Variants in PRKN observed in about 807,000 individuals in gnomAD.
PRKN encodes the protein E3 ubiquitin-protein ligase parkin.
In PRKN, 56 loss-of-function variants were observed where a neutral mutation model predicts 59.5. The observed-to-expected ratio is 0.94, with a 90% CI of 0.76 to 1.18. The LOEUF (loss-of-function observed/expected upper bound fraction) is 1.18, where lower values mean the gene tolerates loss of function less well. PRKN is among the 50% of genes most tolerant of loss of function. The probability of loss-of-function intolerance (pLI) is 0.00; values close to 1 mark genes in which losing one functional copy is unlikely to be tolerated. For missense variants in PRKN, 657 were observed against 596.4 expected (o/e 1.10, Z -1.06); for synonymous variants, 250 against 222.1 (o/e 1.13, Z -1.12).
chr6:162,437,428 C>G lies in PRKN; in HGVS notation c.171+5882G>C, dbSNP rs551820625. 2.6e-5 allele frequency among the ~76,000 whole-genome samples: 4 copies of G among 152,154 alleles called. No individual in the cohort carries two copies. In the East Asian group the frequency reaches 7.7e-4, roughly 29 times the overall value. ...TTGTAAGAGATAGCAGAGAAAGATG[C>G]CAGCTACCTTTTCCCCAGCTTCCGC... is the stretch of plus-strand genomic sequence containing the variant. On this transcript the variant is annotated intron_variant, in intron 2 of 11. Transcript: ENST00000366898.
rs1787708982 is a variant in PRKN, at chr6:161,413,883, AC to A, written c.1084-27007del. 6.6e-6 allele frequency among the ~76,000 whole-genome samples: 1 copy of A among 152,092 alleles called. No homozygotes were observed. Among genetic ancestry groups the A allele is most frequent in the Non-Finnish European group, 1.5e-5 (1 of 68,018 alleles). On this transcript the variant is annotated intron_variant, in intron 9 of 11. Coordinates refer to ENST00000366898, the MANE Select transcript of PRKN (RefSeq NM_004562.3). The surrounding 1 kb of genome is among the most constrained non-coding windows in gnomAD (Gnocchi z 4.4). The stretch of plus-strand genomic sequence containing the variant: ...CATGAAGTCAGGCAGGGTGAGCCTC[AC>A]CCAGCTGCTGTTCCTTTCTCTTTCC...
intron 1 of PRKN, among the ~76,000 whole-genome samples, chr6:162,453,631 G>A (rs978617212): frequency 1.3e-5 from 2 of 152,070 alleles, no homozygotes; most frequent in African/African-American, 2.4e-5. Flanking sequence ...GGCCAGACAC[G>A]GTGGCTCACA....
intron 7 of PRKN, among the ~76,000 whole-genome samples, chr6:161,605,011 C>T (rs1562554528): frequency 6.6e-6 from 1 of 152,100 alleles, no homozygotes; most frequent in Admixed American, 6.6e-5. Context: ...CTTAGATTAG[C>T]TTTTTTCTCT....
In PRKN at chr6:161,601,652, G is replaced by A. The variant is rs543992308; in HGVS notation, c.872-32236C>T. Among the ~76,000 whole-genome samples the A allele has an allele frequency of 2.1e-4, 31 of 149,992 alleles. No homozygotes were observed. In the East Asian group the frequency reaches 4.7e-3, roughly 23 times the overall value. On this transcript the variant is annotated intron_variant, in intron 7 of 11. Coordinates refer to ENST00000366898, the MANE Select transcript of PRKN (RefSeq NM_004562.3). ...GGCTGGAGTGCAGTGGCGCGATCTC[G>A]GCTCACTGCAAGCTCCGCCTCCCAG...
intron 5 of PRKN, among the ~76,000 whole-genome samples, chr6:161,990,469 G>A (rs1228655058): frequency 1.3e-5 from 2 of 152,228 alleles, no homozygotes; most frequent in African/African-American, 4.8e-5. Flanking sequence ...AAAGCTCAAT[G>A]AGATATGATA....
At chr6:161,843,259 C>T (rs561810992) in intron 6 of PRKN, among the ~76,000 whole-genome samples, 1 of 152,300 alleles carries the variant, frequency 6.6e-6, no homozygotes, top group East Asian at 1.9e-4. Flanking sequence ...TCATGAGTCT[C>T]CCAGATACCT....
chr6:162,600,290 T>C (rs1781652580), intron 1 of PRKN, among the ~76,000 whole-genome samples: 2 of 152,224 alleles, frequency 1.3e-5, no homozygotes, highest in African/African-American at 4.8e-5. Context: ...AACCATATTA[T>C]TGTACATATC....
chr6:162,368,176 A>G (rs7750708), intron 2 of PRKN, among the ~76,000 whole-genome samples: 76,270 of 152,010 alleles, frequency 0.5, 19,494 homozygotes, highest in African/African-American at 0.53. Flanking sequence ...TGGCTGGGGA[A>G]GGGTTGGGAG....
At chr6:161,880,842 C>T (rs895968179) in intron 6 of PRKN, among the ~76,000 whole-genome samples, 5 of 152,118 alleles carry the variant, frequency 3.3e-5, no homozygotes, top group Non-Finnish European at 5.9e-5. Context: ...AGCAGCGGCC[C>T]TTGTTCTGAA....
At chr6:162,246,589 G>T (rs1779207826) in intron 3 of PRKN, among the ~76,000 whole-genome samples, 1 of 152,094 alleles carries the variant, frequency 6.6e-6, no homozygotes, top group Non-Finnish European at 1.5e-5. Context: ...TACATATGGT[G>T]AATCTTTGGA....
intron 1 of PRKN, among the ~76,000 whole-genome samples, chr6:162,678,299 T>C (rs1779630414): frequency 6.6e-6 from 1 of 152,224 alleles, no homozygotes; most frequent in African/African-American, 2.4e-5. Flanking sequence ...TATGTTTTCA[T>C]TTCTTTGGGG....
intron 4 of PRKN, among the ~76,000 whole-genome samples, chr6:162,137,349 G>T (rs1781595057): frequency 6.6e-6 from 1 of 152,148 alleles, no homozygotes; most frequent in African/African-American, 2.4e-5. Flanking sequence ...GGCAATATTA[G>T]TATATATTTA....
At chr6:161,716,142 A>C (rs1206144838) in intron 7 of PRKN, 1 of 1,330,568 alleles carries the variant, frequency 7.5e-7, no homozygotes, top group Non-Finnish European at 9.9e-7. Context: ...CTGGTCAAAT[A>C]GAATACAGAG....
At chr6:162,041,241 A>G (rs933286290) in intron 5 of PRKN, among the ~76,000 whole-genome samples, 1 of 152,186 alleles carries the variant, frequency 6.6e-6, no homozygotes, top group Non-Finnish European at 1.5e-5. Flanking sequence ...CCAGAGTATA[A>G]ACCAATAAAT....
intron 2 of PRKN, among the ~76,000 whole-genome samples, chr6:162,416,683 AATT>A (rs1472262073): frequency 6.6e-6 from 1 of 152,082 alleles, no homozygotes; most frequent in Admixed American, 6.6e-5. Context: ...TATATTCTCA[AATT>A]ATTTTCTTTC....
At chr6:162,574,723 C>T (rs1437045152) in intron 1 of PRKN, among the ~76,000 whole-genome samples, 1 of 150,654 alleles carries the variant, frequency 6.6e-6, no homozygotes, top group Non-Finnish European at 1.5e-5. Flanking sequence ...ATCAATAAGA[C>T]ATATAGCCCC....
intron 2 of PRKN, among the ~76,000 whole-genome samples, chr6:162,413,085 A>C (rs1788427465): frequency 6.6e-6 from 1 of 152,204 alleles, no homozygotes; most frequent in East Asian, 1.9e-4. Context: ...CTTAAATATG[A>C]AAATTGGGGG....
At chr6:162,065,074 T>C (rs188435649) in intron 4 of PRKN, among the ~76,000 whole-genome samples, 1 of 152,294 alleles carries the variant, frequency 6.6e-6, no homozygotes, top group Admixed American at 6.5e-5. Context: ...GATCTATGTG[T>C]ATATGAAAGG....
At position 161,970,821 on chromosome 6, in the gene PRKN, A is replaced by G. The variant is rs569574217; in HGVS notation, c.734+2481T>C. Among the ~76,000 whole-genome samples, 3 of 152,306 alleles carry G rather than the reference A, an allele frequency of 2.0e-5. No individual in the cohort carries two copies. In the East Asian group the frequency reaches 5.8e-4, roughly 29 times the overall value. The stretch of plus-strand genomic sequence containing the variant: ...CCAAAGTGGTGGGATTACAGGCGTG[A>G]GCCACCGTGTCTGGCCACTTCTAAT... On this transcript the variant is annotated intron_variant, in intron 6 of 11. Coordinates refer to ENST00000366898, the MANE Select transcript of PRKN (RefSeq NM_004562.3).
Sources: allele counts gnomAD v4.1 joint callset (sites outside exome capture counted in the v4.1 genomes callset), GRCh38; gene constraint gnomAD v4.1.1; non-coding constraint Gnocchi (gnomAD v3.1); transcripts MANE v1.5; gene names NCBI Gene and HGNC (gene_info 2026-07-23, HGNC 2026-07-21).